The following TNS3 variants were observed in gnomAD, a reference collection of about 807,000 sequenced individuals.
TNS3 encodes the protein tensin 3.
In TNS3, 45 loss-of-function variants were observed where a neutral mutation model predicts 140.9. That is an observed-to-expected ratio of 0.32 (90% CI 0.25 to 0.41). The LOEUF (loss-of-function observed/expected upper bound fraction) is 0.41. TNS3 is among the 10% of genes least tolerant of loss of function. The pLI is 1.00. For synonymous variants in TNS3, 815 were observed against 788.4 expected, an observed-to-expected ratio of 1.03 and a Z score of -0.56; for missense variants, 1,716 against 1,906.7, an observed-to-expected ratio of 0.90 and a Z score of 1.86.
At chr7:47,287,890 C>T (rs1025274948) in intron 27 of TNS3, among the ~76,000 whole-genome samples, 8 of 152,104 alleles carry the variant, frequency 5.3e-5, no homozygotes, top group Non-Finnish European at 1.0e-4. Context: ...AGAAGACCCA[C>T]CCTTAAAAAA....
chr7:47,575,492 T>C (rs1442233961), intron 1 of TNS3, among the ~76,000 whole-genome samples: 1 of 152,116 alleles, frequency 6.6e-6, no homozygotes, highest in Non-Finnish European at 1.5e-5. Flanking sequence ...AAAACTATTT[T>C]GTAGAAAAAT....
chr7:47,489,175 G>A (rs11975150), intron 3 of TNS3, among the ~76,000 whole-genome samples: 2,070 of 152,222 alleles, frequency 0.014, 53 homozygotes, highest in African/African-American at 0.047. Context: ...CCCGGCAGAC[G>A]CAATTAAACC....
At chr7:47,327,460 C>T (rs1788087177) in intron 20 of TNS3, among the ~76,000 whole-genome samples, 1 of 152,220 alleles carries the variant, frequency 6.6e-6, no homozygotes, top group African/African-American at 2.4e-5. Flanking sequence ...GAAGGTCCTG[C>T]TGCCCGCTGC....
At chr7:47,292,419 A>G (rs979291164) in intron 26 of TNS3, among the ~76,000 whole-genome samples, 3 of 152,206 alleles carry the variant, frequency 2.0e-5, no homozygotes, top group Non-Finnish European at 2.9e-5. Flanking sequence ...CATTATGGAT[A>G]TTGTTTAACA....
chr7:47,518,179 G>A (rs1271463539), intron 2 of TNS3, among the ~76,000 whole-genome samples: 1 of 152,152 alleles, frequency 6.6e-6, no homozygotes, highest in Non-Finnish European at 1.5e-5. Context: ...CAAAAGGGAA[G>A]TTAAACCCTC....
At chr7:47,534,649 A>C (rs564323332) in intron 1 of TNS3, among the ~76,000 whole-genome samples, 1 of 152,290 alleles carries the variant, frequency 6.6e-6, no homozygotes, top group Non-Finnish European at 1.5e-5. Context: ...TATATAACCG[A>C]CTATACTGTA....
At chr7:47,433,472 G>A (rs1363772610) in intron 8 of TNS3, among the ~76,000 whole-genome samples, 1 of 152,186 alleles carries the variant, frequency 6.6e-6, no homozygotes. Flanking sequence ...AAGTTGCTTA[G>A]CAAAAGGATG....
At position 47,529,121 on chromosome 7, in the gene TNS3, G is replaced by A. The variant is rs1274295757; in HGVS notation, c.-238C>T. 9 of 1,286,588 alleles carry A rather than the reference G, an allele frequency of 7.0e-6. No individual in the cohort carries two copies. The highest frequency in any genetic ancestry group is 9.1e-6 in the Non-Finnish European group (9 of 987,758). 79.7% of individuals were successfully genotyped at this position (1,286,588 alleles called of 1,614,324 possible). ...TTTTAAAGGCCTTGTTCTTAAAAGC[G>A]TGCAGACTCGAGGTTAATTCTTCCG... On this transcript the variant is annotated 5_prime_UTR_variant, in exon 2 of 31. It adds an upstream start codon to the 5' untranslated region. Transcript: ENST00000311160.
chr7:47,292,821 C>CCCTT lies in TNS3; in HGVS notation c.3850+3_3850+6dup. On this transcript the variant is annotated splice_region_variant and intron_variant, in intron 26 of 30. Transcript: ENST00000311160. Reference sequence around the variant, plus strand: ...ACAGAGCCTGACTAGCACTGAGGACCCCTTACCTCTCTCTGGGATAAGCAG... The same window carrying CCCTT: ...ACAGAGCCTGACTAGCACTGAGGACCCCTTCCTTACCTCTCTCTGGGATAAGCAG... 6.2e-7 allele frequency: 1 copy of CCCTT among 1,613,882 alleles called. No individual in the cohort carries two copies. Among genetic ancestry groups the CCCTT allele is most frequent in the East Asian group, 2.2e-5 (1 of 44,872 alleles).
rs10526565 is a variant in TNS3, at chr7:47,460,212, CAAAAAAAAAAAA to C, written c.-75-18169_-75-18158del. Among the ~76,000 whole-genome samples, 947 of 115,018 alleles carry C rather than the reference CAAAAAAAAAAAA, an allele frequency of 8.2e-3. 12 individuals carry two copies. The highest frequency in any genetic ancestry group is 0.062 in the South Asian group (218 of 3,536). 75.5% of individuals were successfully genotyped at this position (115,018 alleles called of 152,430 possible). A position where few individuals can be genotyped will look rare whatever the true frequency, so the allele number is the denominator to read the frequency against. ...CGGGCGACAGAGCAAGACTCTGTCC[CAAAAAAAAAAAA>C]AAAAAAAAAAAAAGAAGAGGAGATT... On this transcript the variant is annotated intron_variant, in intron 4 of 30. Transcript: ENST00000311160.
At chr7:47,542,550 G>A (rs1364024486) in intron 1 of TNS3, among the ~76,000 whole-genome samples, 2 of 152,190 alleles carry the variant, frequency 1.3e-5, no homozygotes, top group Non-Finnish European at 2.9e-5. Context: ...CCGTCGACAC[G>A]AAATCTGACA....
intron 20 of TNS3, among the ~76,000 whole-genome samples, chr7:47,320,631 C>T (rs1423155238): frequency 1.3e-5 from 2 of 152,190 alleles, no homozygotes; most frequent in Non-Finnish European, 2.9e-5. Flanking sequence ...CTGATCGCCC[C>T]CTTCTACAGG....
chr7:47,310,427 T>C (rs1242454115), intron 20 of TNS3, among the ~76,000 whole-genome samples: 3 of 152,164 alleles, frequency 2.0e-5, no homozygotes, highest in African/African-American at 7.2e-5. Context: ...AAGAGGACCA[T>C]GACAGGATCT....
intron 3 of TNS3, among the ~76,000 whole-genome samples, chr7:47,486,417 TG>T (rs1241442198): frequency 6.6e-6 from 1 of 152,170 alleles, no homozygotes; most frequent in Non-Finnish European, 1.5e-5. Context: ...TGTCTCTGTG[TG>T]TTTGTGTGTG....
chr7:47,465,645 C>T (rs532440322), intron 4 of TNS3, among the ~76,000 whole-genome samples: 1 of 152,260 alleles, frequency 6.6e-6, no homozygotes, highest in South Asian at 2.1e-4. Flanking sequence ...AAAAGTCAAG[C>T]CGGGCACAAT....
At chr7:47,406,267 G>A (rs1261747239) in intron 13 of TNS3, among the ~76,000 whole-genome samples, 2 of 152,170 alleles carry the variant, frequency 1.3e-5, no homozygotes, top group African/African-American at 2.4e-5. Context: ...TGGCTGTGTC[G>A]AGGCGAAGGC....
intron 16 of TNS3, among the ~76,000 whole-genome samples, chr7:47,376,393 G>C (rs1791387378): frequency 6.6e-6 from 1 of 152,194 alleles, no homozygotes; most frequent in South Asian, 2.1e-4. Context: ...CAAACAGAGA[G>C]AATTCTGGAA....
chr7:47,285,311 C>T (rs1409703009), intron 27 of TNS3, among the ~76,000 whole-genome samples: 1 of 152,172 alleles, frequency 6.6e-6, no homozygotes, highest in Non-Finnish European at 1.5e-5. Flanking sequence ...TGTCCCCACC[C>T]AAATCTCATC....
chr7:47,502,902 T>G (rs539624331), intron 3 of TNS3, among the ~76,000 whole-genome samples: 1 of 152,270 alleles, frequency 6.6e-6, no homozygotes, highest in South Asian at 2.1e-4. Flanking sequence ...CCGAGGCACA[T>G]GCAGAGAGAG....
Sources: allele counts gnomAD v4.1 joint callset (sites outside exome capture counted in the v4.1 genomes callset), GRCh38; gene constraint gnomAD v4.1.1; transcripts MANE v1.5; gene names NCBI Gene and HGNC (gene_info 2026-07-23, HGNC 2026-07-21).